Variants in MYOCD observed in about 807,000 individuals in gnomAD.
The protein encoded by MYOCD is myocardin.
In MYOCD, 32 loss-of-function variants were observed where a neutral mutation model predicts 96.1. The observed-to-expected ratio is 0.33, with a 90% CI of 0.25 to 0.45. The LOEUF is 0.45. Ranked by LOEUF, MYOCD falls within the 20% of genes least tolerant of loss-of-function variation. The pLI, the probability that MYOCD is intolerant of heterozygous loss-of-function variation, is 1.00. For synonymous variants in MYOCD, 469 were observed against 469.0 expected (o/e 1.00, Z 0.00); for missense variants, 1,133 against 1,200.6 (o/e 0.94, Z 0.83).
intron 1 of MYOCD, among the ~76,000 whole-genome samples, chr17:12,671,045 A>G (rs1252799629): frequency 6.6e-6 from 1 of 152,152 alleles, no homozygotes; most frequent in African/African-American, 2.4e-5. Flanking sequence ...TTTTATTCAT[A>G]GCTCTTATCA....
intron 4 of MYOCD, chr17:12,720,277 A>T (rs2031791579): frequency 6.6e-6 from 1 of 152,136 alleles, no homozygotes; most frequent in Non-Finnish European, 1.5e-5. Context: ...CCGCCTCCTC[A>T]AGCCTCTGTA....
Position 12,752,665 on chromosome 17 carries a change from C to A in MYOCD, c.1377C>A (p.Ser459=). 6.2e-7 allele frequency: 1 copy of A among 1,614,114 alleles called. No individual in the cohort carries two copies. The highest frequency in any genetic ancestry group is 8.5e-7 in the Non-Finnish European group (1 of 1,179,988). ...FGSTSSSPPI[S]PASSDLSVAG... ...GCACCAGCTCCAGCCCCCCGATCTC[C>A]CCAGCCTCCTCTGACCTGTCAGTCG... The change falls in exon 10 of 14, where the codon TCC becomes TCA. Residue 459 remains serine, a synonymous_variant. Coordinates refer to ENST00000425538, the MANE Select transcript of MYOCD (RefSeq NM_001146312.3).
chr17:12,715,971 T>C (rs1252793479), intron 3 of MYOCD, among the ~76,000 whole-genome samples: 4 of 152,218 alleles, frequency 2.6e-5, no homozygotes, highest in Non-Finnish European at 4.4e-5. Context: ...GCATGGTTTA[T>C]GCATACAGAA....
chr17:12,692,510 A>G (rs536120917), intron 1 of MYOCD, among the ~76,000 whole-genome samples: 2 of 152,308 alleles, frequency 1.3e-5, no homozygotes, highest in South Asian at 4.1e-4. Flanking sequence ...GCTCTTGGAC[A>G]TTGAGGATTA....
intron 1 of MYOCD, among the ~76,000 whole-genome samples, chr17:12,688,466 T>C (rs1274101351): frequency 2.6e-5 from 4 of 151,778 alleles, no homozygotes; most frequent in Admixed American, 2.6e-4. Context: ...CCTTCCTTCC[T>C]TCCATCTTCT....
chr17:12,693,591 C>G (rs908960659), intron 1 of MYOCD, among the ~76,000 whole-genome samples: 1 of 142,108 alleles, frequency 7.0e-6, no homozygotes, highest in Non-Finnish European at 1.6e-5. Flanking sequence ...GCCTGGGAGT[C>G]GCAGAGAGAC....
chr17:12,736,159 A>G lies in MYOCD; in HGVS notation c.416-2A>G. The G allele has an allele frequency of 6.2e-7, 1 of 1,613,728 alleles. No homozygotes were observed. Among genetic ancestry groups the G allele is most frequent in the Non-Finnish European group, 8.5e-7 (1 of 1,179,762 alleles). Reference sequence around the variant, plus strand: ...CCAAGTTCCTGGATTTCACCCCCTCAGGTAACCAGGTGAGTTTCTCCAAAT... The same window carrying G: ...CCAAGTTCCTGGATTTCACCCCCTCGGGTAACCAGGTGAGTTTCTCCAAAT... On this transcript the variant is annotated splice_acceptor_variant, in intron 5 of 13. Coordinates refer to ENST00000425538, the MANE Select transcript of MYOCD (RefSeq NM_001146312.3). LOFTEE classifies it high-confidence loss of function.
chr17:12,715,338 GT>G (rs2031606389), intron 2 of MYOCD, among the ~76,000 whole-genome samples, 180 bp from the exon 3 acceptor site: 1 of 151,954 alleles, frequency 6.6e-6, no homozygotes, highest in Admixed American at 6.6e-5. Flanking sequence ...CACTTCCTCT[GT>G]CTCCTACGGC....
intron 13 of MYOCD, 49 bp from the exon 14 acceptor site, chr17:12,763,024 A>G (rs753921286): frequency 6.8e-7 from 1 of 1,478,000 alleles, no homozygotes; most frequent in Admixed American, 1.9e-5. Context: ...ATTGTGTGGC[A>G]TGCTCAATTT....
rs944694320 is a variant in MYOCD at position 12,748,779 on chromosome 17, A to G, written c.1125+2707A>G. ...TAAGTAATTCAAAATTAAAACAATA[A>G]TGAGTTGCCATTTTGTACTTTTTCA... On this transcript the variant is annotated intron_variant, in intron 9 of 13. Transcript: ENST00000425538. 4.6e-5 allele frequency among the ~76,000 whole-genome samples: 7 copies of G among 152,344 alleles called. No individual in the cohort carries two copies. The East Asian group carries it at 9.6e-4, about 21-fold the overall frequency.
At chr17:12,725,254 A>C (rs1237199636) in intron 5 of MYOCD, among the ~76,000 whole-genome samples, 4 of 151,606 alleles carry the variant, frequency 2.6e-5, no homozygotes, top group Non-Finnish European at 5.9e-5. Flanking sequence ...GCCTTGGTTC[A>C]CTGGCTGGTA....
rs1329836309 is a variant in MYOCD, at chr17:12,766,349, T to C, written c.*2705T>C. The C allele has an allele frequency of 1.3e-5, 2 of 152,204 alleles. No homozygotes were observed. The highest frequency in any genetic ancestry group is 2.4e-5 in the African/African-American group (1 of 41,450). 9.4% of individuals were successfully genotyped at this position (152,204 alleles called of 1,614,324 possible). A position where few individuals can be genotyped will look rare whatever the true frequency, so the allele number is the denominator to read the frequency against. Reference sequence around the variant, plus strand: ...CTTTGAGGCTATGACCCAGGACTGATAGATATGCCTTACGGAAGACAAAAG... The same window carrying C: ...CTTTGAGGCTATGACCCAGGACTGACAGATATGCCTTACGGAAGACAAAAG... On this transcript the variant is annotated 3_prime_UTR_variant, in exon 14 of 14. Coordinates refer to ENST00000425538, the MANE Select transcript of MYOCD (RefSeq NM_001146312.3).
At chr17:12,690,355 T>C (rs2030379987) in intron 1 of MYOCD, among the ~76,000 whole-genome samples, 1 of 152,162 alleles carries the variant, frequency 6.6e-6, no homozygotes, top group Non-Finnish European at 1.5e-5. Context: ...CATCATCCAT[T>C]GTTAATAAGG....
At position 12,753,271 on chromosome 17, in the gene MYOCD, G is replaced by T. The variant is rs753540201; in HGVS notation, c.1983G>T (p.Leu661=). 5 of 1,614,046 alleles carry T rather than the reference G, an allele frequency of 3.1e-6. No individual in the cohort carries two copies. Among genetic ancestry groups the T allele is most frequent in the South Asian group, 2.2e-5 (2 of 91,074 alleles). Reference sequence around the variant, plus strand: ...CATCACCCAACAACCCTCACTTTCTGCCCTCATCCTCCGGGGCCCAGGGAG... The same window carrying T: ...CATCACCCAACAACCCTCACTTTCTTCCCTCATCCTCCGGGGCCCAGGGAG... ...LPPSPNNPHF[L]PSSSGAQGEG... Residue 661 remains leucine, a synonymous_variant, in exon 10 of 14, where the codon CTG becomes CTT. Transcript: ENST00000425538.
chr17:12,738,520 T>C (rs2032410184), intron 6 of MYOCD, among the ~76,000 whole-genome samples: 1 of 152,082 alleles, frequency 6.6e-6, no homozygotes, highest in Non-Finnish European at 1.5e-5. Context: ...TACATGCCTG[T>C]GTGCACACAT....
In MYOCD at chr17:12,766,735, G is replaced by T. The variant is rs530240722; in HGVS notation, c.*3091G>T. Reference sequence around the variant, plus strand: ...CCTAATGCTCTTAGAACCTGAAGATGACCATGTGTAGTTTTCTTAAGACCT... The same window carrying T: ...CCTAATGCTCTTAGAACCTGAAGATTACCATGTGTAGTTTTCTTAAGACCT... On this transcript the variant is annotated 3_prime_UTR_variant, in exon 14 of 14. Coordinates refer to ENST00000425538, the MANE Select transcript of MYOCD (RefSeq NM_001146312.3). 1 of 152,330 alleles carries T rather than the reference G, an allele frequency of 6.6e-6. No individual in the cohort carries two copies. Among genetic ancestry groups the T allele is most frequent in the East Asian group, 1.9e-4 (1 of 5,188 alleles). The allele number at this position is 152,330 out of a possible 1,614,324, so 9.4% of individuals were successfully genotyped here. A position where few individuals can be genotyped will look rare whatever the true frequency, so the allele number is the denominator to read the frequency against.
intron 6 of MYOCD, among the ~76,000 whole-genome samples, chr17:12,738,753 C>T (rs201197249): frequency 6.6e-6 from 1 of 151,904 alleles, no homozygotes; most frequent in South Asian, 2.1e-4. Flanking sequence ...TTCCTACACT[C>T]ACTCTTCCCT....
chr17:12,714,322 T>TGC (rs1432415878), intron 2 of MYOCD, among the ~76,000 whole-genome samples: 1 of 29,292 alleles, frequency 3.4e-5, no homozygotes, highest in African/African-American at 8.3e-5. Flanking sequence ...ATGAGGCACG[T>TGC]GCACACACAC....
chr17:12,701,327 G>A (rs182863092), intron 1 of MYOCD, among the ~76,000 whole-genome samples: 18 of 152,206 alleles, frequency 1.2e-4, no homozygotes, highest in East Asian at 9.7e-4. Flanking sequence ...CAGGGGAATC[G>A]CTTGAACCTG....
Sources: gnomAD v4.1 joint callset for allele counts (sites outside exome capture counted in the v4.1 genomes callset) on GRCh38, gnomAD v4.1.1 for gene constraint, MANE v1.5 for transcripts, NCBI Gene and HGNC (gene_info 2026-07-23, HGNC 2026-07-21) for gene names.